MAGI2: variants seen among roughly 807,000 people sequenced by gnomAD.
The protein encoded by MAGI2 is membrane associated guanylate kinase, WW and PDZ domain containing 2, also known as membrane-associated guanylate kinase, WW and PDZ domain-containing protein 2.
In MAGI2, 35 loss-of-function variants were observed where a neutral mutation model predicts 133.3. That is an observed-to-expected ratio of 0.26 (90% CI 0.20 to 0.35). The LOEUF is 0.35. Ranked by LOEUF, MAGI2 falls within the 10% of genes least tolerant of loss-of-function variation. The pLI is 1.00. For missense variants in MAGI2, 1,636 were observed against 1,863.4 expected, an observed-to-expected ratio of 0.88 and a Z score of 2.25; for synonymous variants, 729 against 710.6, an observed-to-expected ratio of 1.03 and a Z score of -0.41.
At chr7:79,236,684 C>T (rs1831948187) in intron 1 of MAGI2, among the ~76,000 whole-genome samples, 1 of 152,168 alleles carries the variant, frequency 6.6e-6, no homozygotes, top group Non-Finnish European at 1.5e-5. Flanking sequence ...TCTGTGATCT[C>T]TTGTCTTTTA....
intron 1 of MAGI2, chr7:79,176,877 A>G (rs1186471010): frequency 1.8e-5 from 1 of 55,652 alleles, no homozygotes; most frequent in East Asian, 3.9e-4. Flanking sequence ...TTGCAGCTAA[A>G]TAGTTGATCT....
At chr7:79,020,240 A>T (rs1004876292) in intron 1 of MAGI2, among the ~76,000 whole-genome samples, 3 of 152,178 alleles carry the variant, frequency 2.0e-5, no homozygotes, top group African/African-American at 7.2e-5. Flanking sequence ...GAGATGATTT[A>T]GGGTATCTGG....
chr7:79,175,003 T>C (rs1825966859), intron 1 of MAGI2, among the ~76,000 whole-genome samples: 1 of 151,858 alleles, frequency 6.6e-6, no homozygotes, highest in Admixed American at 6.6e-5. Context: ...TTTTGTTTAG[T>C]TTCGTCCAAA....
At chr7:79,073,696 T>C (rs117633518) in intron 1 of MAGI2, among the ~76,000 whole-genome samples, 7,164 of 151,974 alleles carry the variant, frequency 0.047, 276 homozygotes, top group Non-Finnish European at 0.064. Context: ...ATCTTTCCCA[T>C]GTTCTCCTTT....
At chr7:78,427,743 T>C (rs1488210955) in intron 6 of MAGI2, among the ~76,000 whole-genome samples, 1 of 152,072 alleles carries the variant, frequency 6.6e-6, no homozygotes, top group Non-Finnish European at 1.5e-5. Flanking sequence ...CTATTAAAAT[T>C]TAATTTATAT....
intron 1 of MAGI2, among the ~76,000 whole-genome samples, chr7:79,167,397 CAA>C (rs10542271): frequency 0.062 from 5,277 of 84,830 alleles, 96 homozygotes; most frequent in Middle Eastern, 0.089. Context: ...CCAAAAATGG[CAA>C]AAAAAAAAAA....
chr7:79,442,242 A>T (rs376232864), intron 1 of MAGI2, among the ~76,000 whole-genome samples: 29 of 152,244 alleles, frequency 1.9e-4, no homozygotes, highest in African/African-American at 6.7e-4. Flanking sequence ...GTCTTCATGG[A>T]CTCTCATAAT....
At chr7:78,991,108 G>C (rs1018158971) in intron 2 of MAGI2, among the ~76,000 whole-genome samples, 9 of 151,830 alleles carry the variant, frequency 5.9e-5, no homozygotes, top group African/African-American at 2.2e-4. Flanking sequence ...TGATTTAAAA[G>C]TGTGGTACTT....
chr7:78,786,592 T>C (rs1226523309), intron 2 of MAGI2, among the ~76,000 whole-genome samples: 1 of 152,188 alleles, frequency 6.6e-6, no homozygotes, highest in Admixed American at 6.5e-5. Context: ...CAGAGCCCAC[T>C]ATAGGGCCTT....
chr7:79,043,558 A>G (rs1469952217), intron 1 of MAGI2, among the ~76,000 whole-genome samples: 2 of 150,860 alleles, frequency 1.3e-5, no homozygotes, highest in African/African-American at 2.4e-5. Context: ...AAAAAAAAAA[A>G]AAAAAAGAAA....
chr7:78,421,147 G>T (rs1488663775), intron 6 of MAGI2, among the ~76,000 whole-genome samples: 1 of 152,090 alleles, frequency 6.6e-6, no homozygotes, highest in Non-Finnish European at 1.5e-5. Flanking sequence ...GATTGCTGAT[G>T]GGATTCCCAT....
At chr7:79,037,452 A>AGTAACAGAG (rs1811233863) in intron 1 of MAGI2, among the ~76,000 whole-genome samples, 1 of 152,186 alleles carries the variant, frequency 6.6e-6, no homozygotes, top group Non-Finnish European at 1.5e-5. Context: ...ACACTGAAAT[A>AGTAACAGAG]GTAACAGAGG....
At chr7:78,870,499 T>C (rs757116011) in intron 2 of MAGI2, among the ~76,000 whole-genome samples, 1 of 152,138 alleles carries the variant, frequency 6.6e-6, no homozygotes, top group Non-Finnish European at 1.5e-5. Context: ...TACAATGAGA[T>C]ACCACTTTAC....
At chr7:78,751,952 TAG>T (rs1384166730) in intron 2 of MAGI2, among the ~76,000 whole-genome samples, 13 of 152,152 alleles carry the variant, frequency 8.5e-5, no homozygotes. Flanking sequence ...CAGTAGAAAG[TAG>T]AGGAGGAAAT....
chr7:79,028,802 A>G (rs1810280287), intron 1 of MAGI2, among the ~76,000 whole-genome samples: 1 of 152,134 alleles, frequency 6.6e-6, no homozygotes, highest in Admixed American at 6.5e-5. Flanking sequence ...GGGCTCAGAC[A>G]TTACTATATA....
chr7:78,323,832 C>T (rs575746954), intron 9 of MAGI2, among the ~76,000 whole-genome samples: 1 of 152,214 alleles, frequency 6.6e-6, no homozygotes, highest in South Asian at 2.1e-4. Flanking sequence ...ATGATACTCA[C>T]TTATTGATTA....
In MAGI2 at chr7:78,367,100, AACACACAC is replaced by A. The variant is rs6150177; in HGVS notation, c.1103+2048_1103+2055del. On this transcript the variant is annotated intron_variant, in intron 7 of 21. Coordinates refer to ENST00000354212, the MANE Select transcript of MAGI2 (RefSeq NM_012301.4). ...TGTACACAGAAGTATAATGTAGGCAAACACACACACACACACACACACACACAAATTTG... is the reference window on the plus strand; with the variant it reads ...TGTACACAGAAGTATAATGTAGGCAAACACACACACACACACACAAATTTG... Among the ~76,000 whole-genome samples, 3 of 146,888 alleles carry A rather than the reference AACACACAC, an allele frequency of 2.0e-5. No homozygotes were observed. The East Asian group carries it at 6.0e-4, about 29-fold the overall frequency.
At chr7:78,283,096 C>G (rs1240103443) in intron 9 of MAGI2, among the ~76,000 whole-genome samples, 2 of 152,032 alleles carry the variant, frequency 1.3e-5, no homozygotes, top group Admixed American at 1.3e-4. Flanking sequence ...CTCCTGAGCT[C>G]CAGTGATACT....
At chr7:78,269,984 G>A (rs1794403951) in intron 9 of MAGI2, among the ~76,000 whole-genome samples, 1 of 152,154 alleles carries the variant, frequency 6.6e-6, no homozygotes, top group Non-Finnish European at 1.5e-5. Flanking sequence ...TTCTGCATAT[G>A]GCTAGCCAGT....
Sources: gnomAD v4.1 joint callset for allele counts (sites outside exome capture counted in the v4.1 genomes callset) on GRCh38, gnomAD v4.1.1 for gene constraint, MANE v1.5 for transcripts, NCBI Gene and HGNC (gene_info 2026-07-23, HGNC 2026-07-21) for gene names.